Variants in ZNF33B observed in about 807,000 individuals in gnomAD.
The protein encoded by ZNF33B is zinc finger protein 11b (KOX 2).
In ZNF33B, 29 loss-of-function variants were observed where a neutral mutation model predicts 45.8. That is an observed-to-expected ratio of 0.63 (90% CI 0.47 to 0.86). ZNF33B has a LOEUF of 0.86. ZNF33B is among the 40% of genes least tolerant of loss of function. The pLI is 0.00. For missense variants in ZNF33B, 831 were observed against 909.9 expected (o/e 0.91, Z 1.12); for synonymous variants, 305 against 307.8 (o/e 0.99, Z 0.10).
At chr10:42,575,877 G>A (rs987529158) in intron 1 of ZNF33B, among the ~76,000 whole-genome samples, 2 of 150,860 alleles carry the variant, frequency 1.3e-5, no homozygotes, top group African/African-American at 4.9e-5. Flanking sequence ...CTACAGACAA[G>A]CGCCACCACG....
intron 4 of ZNF33B, among the ~76,000 whole-genome samples, chr10:42,625,600 AG>A (rs1173918434): frequency 6.6e-6 from 1 of 152,130 alleles, no homozygotes; most frequent in East Asian, 1.9e-4. Flanking sequence ...CTGCCTCCCA[AG>A]TAGCTGGGAT....
chr10:42,585,146 G>C (rs1053982860), downstream of ZNF33B, among the ~76,000 whole-genome samples: 9 of 152,220 alleles, frequency 5.9e-5, no homozygotes, highest in African/African-American at 2.2e-4. Flanking sequence ...TCTTTTCTCT[G>C]CCTTGTGGAC....
intron 1 of ZNF33B, among the ~76,000 whole-genome samples, chr10:42,575,318 G>A (rs949533783): frequency 2.6e-5 from 4 of 152,108 alleles, no homozygotes; most frequent in Admixed American, 1.3e-4. Context: ...CCAGGGTGGA[G>A]GAAGGATGGC....
Position 42,638,146 on chromosome 10 carries a change from C to T in ZNF33B, c.-45+328G>A, listed in dbSNP as rs115022240. On this transcript the variant is annotated intron_variant, in intron 1 of 4. Coordinates refer to ENST00000359467, the MANE Select transcript of ZNF33B (RefSeq NM_006955.3). ...CCGCCCTTTCCTACCCAGGTAGGGC[C>T]GCGCCCTAGCACATGGGCGTAAACA... is the stretch of plus-strand genomic sequence containing the variant. 7.9e-5 allele frequency among the ~76,000 whole-genome samples: 12 copies of T among 152,340 alleles called. No homozygotes were observed. The South Asian group carries it at 1.4e-3, about 18-fold the overall frequency.
chr10:42,621,259 G>A (rs532588227), intron 4 of ZNF33B, among the ~76,000 whole-genome samples: 1 of 151,918 alleles, frequency 6.6e-6, no homozygotes, highest in Admixed American at 6.6e-5. Flanking sequence ...TTGAGCCTGG[G>A]AGTTCGAGGC....
chr10:42,579,967 CT>C (rs1252233544), intron 1 of ZNF33B: 5 of 154,344 alleles, frequency 3.2e-5, no homozygotes, highest in African/African-American at 1.2e-4. Flanking sequence ...ACTAAGACCC[CT>C]ATCTCTGCCT....
downstream of ZNF33B, among the ~76,000 whole-genome samples, chr10:42,585,296 G>A (rs1178302348): frequency 1.3e-5 from 2 of 152,178 alleles, no homozygotes; most frequent in African/African-American, 4.8e-5. Context: ...TAATGAACAC[G>A]ACCTCCTTCC....
intron 4 of ZNF33B, among the ~76,000 whole-genome samples, chr10:42,608,975 G>T (rs1837986561): frequency 6.6e-6 from 1 of 150,392 alleles, no homozygotes; most frequent in Non-Finnish European, 1.5e-5. Context: ...ACAAAGAATG[G>T]TATGAACAAT....
At chr10:42,621,500 C>T (rs1371165392) in intron 4 of ZNF33B, among the ~76,000 whole-genome samples, 1 of 151,438 alleles carries the variant, frequency 6.6e-6, no homozygotes, top group Non-Finnish European at 1.5e-5. Context: ...GGGACTTATC[C>T]TGGAAATGCC....
downstream of ZNF33B, among the ~76,000 whole-genome samples, chr10:42,587,319 C>A (rs985152143): frequency 6.6e-6 from 1 of 152,132 alleles, no homozygotes; most frequent in East Asian, 1.9e-4. Context: ...CCTGCCTTAG[C>A]CTCCTGAGTA....
rs919639685 is a variant in ZNF33B at position 42,589,911 on chromosome 10, T to C, written c.*2702A>G. On this transcript the variant is annotated 3_prime_UTR_variant, in exon 5 of 5. Transcript: ENST00000359467. ...AGCATTTAGTTGGAAACATCAAGGA[T>C]GATGCTAGATGTAGGGTTTTTTGTA... is the stretch of plus-strand genomic sequence containing the variant. 2.6e-5 allele frequency: 4 copies of C among 152,236 alleles called. No individual in the cohort carries two copies. The highest frequency in any genetic ancestry group is 7.2e-5 in the African/African-American group (3 of 41,474). 9.4% of individuals were successfully genotyped at this position (152,236 alleles called of 1,614,324 possible).
At position 42,605,797 on chromosome 10, in the gene ZNF33B, T is replaced by C. The variant is rs561374331; in HGVS notation, c.251-11098A>G. On this transcript the variant is annotated intron_variant, in intron 4 of 4. Coordinates refer to ENST00000359467, the MANE Select transcript of ZNF33B (RefSeq NM_006955.3). ...ACCTATAACATATAGAAATGCAATA[T>C]ATTTAACAATAAGGCAGGCTAGGCA... Among the ~76,000 whole-genome samples, 4 of 152,292 alleles carry C rather than the reference T, an allele frequency of 2.6e-5. No individual in the cohort carries two copies. In the East Asian group the frequency reaches 7.7e-4, roughly 29 times the overall value.
rs533064445 is a variant in ZNF33B, at chr10:42,625,381, T to C, written c.250+6548A>G. Among the ~76,000 whole-genome samples the C allele has an allele frequency of 8.6e-5, 13 of 150,462 alleles. No individual in the cohort carries two copies. The East Asian group carries it at 2.0e-3, about 23-fold the overall frequency. ...TTAATTTAGATTTGTATATGTTCAT[T>C]GTTAGTGGAAAGAAATTGATTATAT... is the stretch of plus-strand genomic sequence containing the variant. On this transcript the variant is annotated intron_variant, in intron 4 of 4. Transcript: ENST00000359467.
chr10:42,600,012 T>C (rs1165111107), intron 4 of ZNF33B, among the ~76,000 whole-genome samples: 1 of 152,084 alleles, frequency 6.6e-6, no homozygotes, highest in Non-Finnish European at 1.5e-5. Flanking sequence ...TATTGATGTT[T>C]AATTTAACTA....
chr10:42,577,132 C>CAAAAAAAA, intron 1 of ZNF33B, among the ~76,000 whole-genome samples: 1 of 81,652 alleles, frequency 1.2e-5, no homozygotes, highest in East Asian at 3.5e-4. Context: ...GACTCCATCT[C>CAAAAAAAA]AAAAAAAAAA....
At chr10:42,630,066 T>C (rs1172791747) in intron 4 of ZNF33B, among the ~76,000 whole-genome samples, 1 of 152,158 alleles carries the variant, frequency 6.6e-6, no homozygotes, top group African/African-American at 2.4e-5. Context: ...TTTATCCCCA[T>C]TTTTGCCAAC....
chr10:42,577,106 C>A (rs147988362), intron 1 of ZNF33B, among the ~76,000 whole-genome samples: 1 of 118,348 alleles, frequency 8.4e-6, no homozygotes. Flanking sequence ...GCACTCCAGT[C>A]TGGGTGACGG....
chr10:42,593,085 G>T lies in ZNF33B; in HGVS notation c.1865C>A (p.Ser622Ter), dbSNP rs376921181. The T allele has an allele frequency of 1.2e-5, 20 of 1,613,946 alleles. No individual in the cohort carries two copies. The highest frequency in any genetic ancestry group is 1.0e-4 in the Admixed American group (6 of 60,002). Residue 622 changes from serine (S) to a stop codon, truncating the protein, a stop_gained, in exon 5 of 5, where the codon TCA becomes TAA. Coordinates refer to ENST00000359467, the MANE Select transcript of ZNF33B (RefSeq NM_006955.3). LOFTEE classifies it high-confidence loss of function. Reference sequence around the variant, plus strand: ...AATTCTCTGATGCTGAGTGAGTTGTGACTTCTGGCAGAAGGTTTTTCCACA... The same window carrying T: ...AATTCTCTGATGCTGAGTGAGTTGTTACTTCTGGCAGAAGGTTTTTCCACA... ...NECGKTFCQK[S>*]QLTQHQRIHI...
At chr10:42,631,053 G>C (rs368779480) in intron 4 of ZNF33B, among the ~76,000 whole-genome samples, 1 of 152,132 alleles carries the variant, frequency 6.6e-6, no homozygotes, top group Non-Finnish European at 1.5e-5. Flanking sequence ...CTACTCTAAT[G>C]TTGACCTCAG....
Sources: gnomAD v4.1 joint callset for allele counts (sites outside exome capture counted in the v4.1 genomes callset) on GRCh38, gnomAD v4.1.1 for gene constraint, MANE v1.5 for transcripts, NCBI Gene and HGNC (gene_info 2026-07-23, HGNC 2026-07-21) for gene names.